ZFAT: variants seen among roughly 807,000 people sequenced by gnomAD.
ZFAT encodes zinc finger and AT-hook domain containing, also known as zinc finger protein ZFAT.
A neutral mutation model predicts 117.7 loss-of-function variants in ZFAT; 64 were observed. The ratio of observed to expected loss-of-function variants is 0.54; its 90% CI spans 0.44 to 0.67. The LOEUF (loss-of-function observed/expected upper bound fraction) is 0.67. Among genes scored for constraint, ZFAT ranks in the 30% least tolerant of loss-of-function variants. The probability of loss-of-function intolerance (pLI) is 0.00; values close to 1 mark genes in which losing one functional copy is unlikely to be tolerated. For synonymous variants in ZFAT, 679 were observed against 615.0 expected, an observed-to-expected ratio of 1.10 and a Z score of -1.54; for missense variants, 1,433 against 1,584.5, an observed-to-expected ratio of 0.90 and a Z score of 1.62.
chr8:134,480,582 T>C (rs920057930), intron 15 of ZFAT, among the ~76,000 whole-genome samples: 5 of 152,222 alleles, frequency 3.3e-5, no homozygotes, highest in Non-Finnish European at 7.3e-5. Flanking sequence ...ATGACTGTGC[T>C]GTGGAGTAGC....
intron 5 of ZFAT, among the ~76,000 whole-genome samples, chr8:134,607,801 G>A (rs1388670355): frequency 6.6e-6 from 1 of 152,246 alleles, no homozygotes; most frequent in Non-Finnish European, 1.5e-5. Context: ...TTTGTTAACT[G>A]ACTTCAGCAG....
intron 11 of ZFAT, among the ~76,000 whole-genome samples, chr8:134,563,327 A>G (rs1190049018): frequency 6.6e-6 from 1 of 152,184 alleles, no homozygotes; most frequent in African/African-American, 2.4e-5. Flanking sequence ...CCAACAAGTA[A>G]CTGAGAACAT....
chr8:134,610,740 A>G (rs1238001499), intron 3 of ZFAT, 85 bp from the exon 4 acceptor site: 2 of 1,487,884 alleles, frequency 1.3e-6, no homozygotes, highest in African/African-American at 1.4e-5. Context: ...TTCACGGGAC[A>G]GTAAAGGAAA....
At chr8:134,689,503 C>G (rs1464468663) in intron 1 of ZFAT, among the ~76,000 whole-genome samples, 1 of 152,208 alleles carries the variant, frequency 6.6e-6, no homozygotes, top group African/African-American at 2.4e-5. Context: ...CTTAGAAATG[C>G]TGACTCTACC....
chr8:134,768,201 C>T, the ZFAT span, among the ~76,000 whole-genome samples: 1 of 152,186 alleles, frequency 6.6e-6, no homozygotes, highest in African/African-American at 2.4e-5. Context: ...CTCTGTGTTG[C>T]ATTTTGAAAA....
In ZFAT at chr8:134,600,635, A is replaced by G; in HGVS notation, c.2276T>C (p.Met759Thr). The G allele has an allele frequency of 6.2e-7, 1 of 1,606,304 alleles. No homozygotes were observed. Among genetic ancestry groups the G allele is most frequent in the Non-Finnish European group, 8.5e-7 (1 of 1,174,088 alleles). The change falls in exon 7 of 16, where the codon ATG becomes ACG. Residue 759 changes from methionine to threonine, a missense_variant. Transcript: ENST00000377838. ...KLFWYQVHFD[M>T]HVRTHTREHL... Reference sequence around the variant, plus strand: ...TTCCCGGGTGTGGGTGCGGACATGCATATCAAAATGCACTTGGTACCAAAA... The same window carrying G: ...TTCCCGGGTGTGGGTGCGGACATGCGTATCAAAATGCACTTGGTACCAAAA...
At chr8:134,775,756 A>T in the ZFAT span, among the ~76,000 whole-genome samples, 2 of 152,126 alleles carry the variant, frequency 1.3e-5, no homozygotes, top group Non-Finnish European at 2.9e-5. Context: ...TGGTTGTCTT[A>T]TGTAGGAAGA....
At chr8:134,668,570 C>T (rs1832372826) in intron 1 of ZFAT, among the ~76,000 whole-genome samples, 1 of 152,242 alleles carries the variant, frequency 6.6e-6, no homozygotes, top group Non-Finnish European at 1.5e-5. Flanking sequence ...AACTAACAAA[C>T]AGAAAGGACA....
chr8:134,481,805 G>C (rs1031411811), intron 15 of ZFAT, among the ~76,000 whole-genome samples: 10 of 152,232 alleles, frequency 6.6e-5, no homozygotes, highest in Non-Finnish European at 1.5e-4. Flanking sequence ...TAGTAACTCT[G>C]CAGCAGCAGC....
chr8:134,736,984 T>G, the ZFAT span, among the ~76,000 whole-genome samples: 2 of 152,010 alleles, frequency 1.3e-5, no homozygotes, highest in African/African-American at 4.8e-5. Context: ...GTTTAAAATG[T>G]AAAAACATAG....
At chr8:134,590,682 C>T (rs929575193) in intron 7 of ZFAT, among the ~76,000 whole-genome samples, 3 of 138,822 alleles carry the variant, frequency 2.2e-5, no homozygotes, top group Non-Finnish European at 4.7e-5. Flanking sequence ...ACCAACACCA[C>T]CACCACCAAC....
intron 10 of ZFAT, among the ~76,000 whole-genome samples, chr8:134,578,952 T>A (rs1825519291): frequency 1.3e-5 from 2 of 152,206 alleles, no homozygotes; most frequent in Non-Finnish European, 2.9e-5. Context: ...TTCCTGCTTT[T>A]GTACCGAAGT....
the ZFAT span, among the ~76,000 whole-genome samples, chr8:134,722,451 T>G: frequency 6.6e-6 from 1 of 152,214 alleles, no homozygotes; most frequent in Non-Finnish European, 1.5e-5. Context: ...AAGAGGACTG[T>G]GTACAAGCTC....
At chr8:134,657,405 A>C (rs1306005398) in intron 2 of ZFAT, among the ~76,000 whole-genome samples, 156 bp downstream of exon 2, 2 of 152,208 alleles carry the variant, frequency 1.3e-5, no homozygotes, top group Non-Finnish European at 2.9e-5. Flanking sequence ...GGGATTTCAA[A>C]GGCACAATCT....
chr8:134,675,420 A>C (rs750314106), intron 1 of ZFAT, among the ~76,000 whole-genome samples: 1 of 152,212 alleles, frequency 6.6e-6, no homozygotes, highest in Non-Finnish European at 1.5e-5. Flanking sequence ...GGGTGAAAAG[A>C]AGCAAACAAA....
intron 7 of ZFAT, among the ~76,000 whole-genome samples, chr8:134,592,066 T>C (rs941727631): frequency 6.6e-6 from 1 of 152,030 alleles, no homozygotes; most frequent in Non-Finnish European, 1.5e-5. Flanking sequence ...TGCAAGGAAA[T>C]GTTTTGGGCT....
chr8:134,611,160 C>T (rs1038433087), intron 3 of ZFAT, among the ~76,000 whole-genome samples: 5 of 152,330 alleles, frequency 3.3e-5, no homozygotes, highest in Admixed American at 2.6e-4. Flanking sequence ...ACAGGCAGTC[C>T]AGGGCAGTCT....
intron 5 of ZFAT, among the ~76,000 whole-genome samples, chr8:134,605,306 G>C (rs1354991357): frequency 6.6e-6 from 1 of 152,194 alleles, no homozygotes; most frequent in African/African-American, 2.4e-5. Flanking sequence ...CAGCACTTTG[G>C]GAGGCTGAGG....
rs746803348 is a variant in ZFAT at position 134,601,764 on chromosome 8, C to T, written c.1955G>A (p.Ser652Asn). Reference protein sequence around the residue: ...GSDQESHGAQSPLGEGQNMAV... With the variant: ...GSDQESHGAQNPLGEGQNMAV... The stretch of plus-strand genomic sequence containing the variant: ...CATGTTCTGCCCTTCCCCTAGGGGG[C>T]TCTGGGCGCCATGGCTTTCCTGATC... Residue 652 changes from serine (S) to asparagine (N), a missense_variant, in exon 6 of 16, where the codon AGC becomes AAC. Physicochemically the swap from Ser to Asn is conservative, Grantham distance 46. Transcript: ENST00000377838. The T allele has an allele frequency of 1.9e-6, 3 of 1,613,832 alleles. No individual in the cohort carries two copies. Among genetic ancestry groups the T allele is most frequent in the Non-Finnish European group, 1.7e-6 (2 of 1,179,930 alleles).
Sources: gnomAD v4.1 joint callset for allele counts (sites outside exome capture counted in the v4.1 genomes callset) on GRCh38, gnomAD v4.1.1 for gene constraint, MANE v1.5 for transcripts, NCBI Gene and HGNC (gene_info 2026-07-23, HGNC 2026-07-21) for gene names.